TNS1: variants seen among roughly 807,000 people sequenced by gnomAD.
TNS1 encodes the protein tensin 1.
TNS1 carries 62 observed loss-of-function variants against 168.6 expected under a neutral mutation model. The observed-to-expected ratio is 0.37, with a 90% confidence interval of 0.30 to 0.45. The LOEUF (loss-of-function observed/expected upper bound fraction) is 0.45. Ranked by LOEUF, TNS1 falls within the 20% of genes least tolerant of loss-of-function variation. The pLI is 1.00. For missense variants in TNS1, 2,240 were observed against 2,339.4 expected (o/e 0.96, Z 0.88); for synonymous variants, 934 against 933.2 (o/e 1.00, Z -0.02).
intron 1 of TNS1, among the ~76,000 whole-genome samples, chr2:218,022,484 A>G (rs1958814208): frequency 6.6e-6 from 1 of 152,194 alleles, no homozygotes; most frequent in South Asian, 2.1e-4. Flanking sequence ...GGACACGCAC[A>G]CACGCACGTA....
chr2:217,828,095 CT>C (rs1472548899), intron 22 of TNS1, among the ~76,000 whole-genome samples: 1 of 152,248 alleles, frequency 6.6e-6, no homozygotes, highest in African/African-American at 2.4e-5. Flanking sequence ...CAGCTCCTGC[CT>C]TGCCAGGACC....
intron 2 of TNS1, among the ~76,000 whole-genome samples, chr2:217,984,005 G>A (rs1476389753): frequency 6.6e-6 from 1 of 152,080 alleles, no homozygotes; most frequent in Non-Finnish European, 1.5e-5. Context: ...ATTTAGGTGG[G>A]CCTCATCCAA....
At position 218,002,830 on chromosome 2, in the gene TNS1, C is replaced by T. The variant is rs1467063676; in HGVS notation, c.33+10G>A. 1 of 456,794 alleles carries T rather than the reference C, an allele frequency of 2.2e-6. No homozygotes were observed. Among genetic ancestry groups the T allele is most frequent in the Non-Finnish European group, 4.4e-6 (1 of 226,948 alleles). 28.3% of individuals were successfully genotyped at this position (456,794 alleles called of 1,614,324 possible). On this transcript the variant is annotated intron_variant, in intron 1 of 32. Transcript: ENST00000682258. ...AAGAGTAACGTCGCAGCTAAAGCAG[C>T]CAGACCTACCCAGAGCATGCAGGAC...
intron 3 of TNS1, among the ~76,000 whole-genome samples, chr2:217,975,849 G>A (rs770020045): frequency 2.0e-5 from 3 of 152,062 alleles, no homozygotes; most frequent in Non-Finnish European, 2.9e-5. Flanking sequence ...AGGCTCTCTC[G>A]AGTGGGCAAC....
Position 217,831,464 on chromosome 2 carries a change from G to A in TNS1, c.3364C>T (p.Pro1122Ser), listed in dbSNP as rs1205411606. 1 of 1,585,944 alleles carries A rather than the reference G, an allele frequency of 6.3e-7. No individual in the cohort carries two copies. Among genetic ancestry groups the A allele is most frequent in the Admixed American group, 1.8e-5 (1 of 56,576 alleles). ...CCTCTTCCCAACTCACCTCCTGTGG[G>A]GTGCAACAGGATGTCCGCTGGGTTG... The part of the protein sequence containing the change: ...PHNPADILLH[P>S]TGEPRSYVES... Residue 1122 changes from proline (P) to serine (S), a missense_variant, in exon 22 of 33, where the codon CCC becomes TCC. Transcript: ENST00000682258.
At chr2:218,023,887 C>T (rs1958830435) in intron 1 of TNS1, among the ~76,000 whole-genome samples, 1 of 151,448 alleles carries the variant, frequency 6.6e-6, no homozygotes, top group Non-Finnish European at 1.5e-5. Flanking sequence ...TGAAACAGCC[C>T]CCTCCCCCTA....
chr2:217,821,663 C>T lies in TNS1; in HGVS notation c.3572+77G>A, dbSNP rs1329785030. 7 of 1,346,348 alleles carry T rather than the reference C, an allele frequency of 5.2e-6. No homozygotes were observed. The African/African-American group carries it at 9.1e-5, about 18-fold the overall frequency. 83.4% of individuals were successfully genotyped at this position (1,346,348 alleles called of 1,614,324 possible). On this transcript the variant is annotated intron_variant, in intron 23 of 32. Transcript: ENST00000682258. The stretch of plus-strand genomic sequence containing the variant: ...CCTGTCCACGCCATAGGCAACAGAT[C>T]CAGGAGGCCTCACCCATCCCGTCCC...
At chr2:217,913,253 G>C (rs1162094312) in intron 4 of TNS1, among the ~76,000 whole-genome samples, 4 of 152,196 alleles carry the variant, frequency 2.6e-5, no homozygotes, top group African/African-American at 7.2e-5. Context: ...TGTGATTAAG[G>C]GGAGAGTTAT....
At chr2:217,920,690 C>T (rs1361067930) in intron 3 of TNS1, among the ~76,000 whole-genome samples, 4 of 151,928 alleles carry the variant, frequency 2.6e-5, no homozygotes, top group African/African-American at 9.7e-5. Flanking sequence ...TGGTTCTCCC[C>T]ATTGCTAAGG....
At chr2:217,870,844 C>T (rs1949711188) in intron 18 of TNS1, among the ~76,000 whole-genome samples, 1 of 152,226 alleles carries the variant, frequency 6.6e-6, no homozygotes, top group South Asian at 2.1e-4. Context: ...GAGACAAACC[C>T]AGCGCTGCTC....
intron 30 of TNS1, among the ~76,000 whole-genome samples, 198 bp from the exon 31 acceptor site, chr2:217,808,869 A>C (rs559652469): frequency 1.3e-5 from 2 of 152,304 alleles, no homozygotes; most frequent in South Asian, 4.1e-4. Context: ...GTGCCATAGA[A>C]TCATCCCAAA....
rs1468313247 is a variant in TNS1, at chr2:217,836,136, T to C, written c.3083A>G (p.Tyr1028Cys). The C allele has an allele frequency of 1.2e-6, 2 of 1,613,938 alleles. No individual in the cohort carries two copies. The highest frequency in any genetic ancestry group is 1.7e-6 in the Non-Finnish European group (2 of 1,179,982). The stretch of plus-strand genomic sequence containing the variant: ...TGTGGCTTCTGGAGACTGGTTCTCA[T>C]ACTGTCCATCACTGGCCGCCCGCCT... ...LRRRAASDGQ[Y>C]ENQSPEATSP... Residue 1028 changes from tyrosine to cysteine, a missense_variant, in exon 20 of 33, where the codon TAT (tyrosine) becomes TGT (cysteine). By Grantham distance (194) the Tyr-to-Cys change is radical. Around this residue, in one of 2 missense-constraint regions of TNS1, gnomAD observed 2,131 missense variants for 2,171.2 expected, o/e 0.98. Transcript: ENST00000682258.
chr2:217,880,930 T>C lies in TNS1; in HGVS notation c.1397A>G (p.Asn466Ser). The change falls in exon 18 of 33, where the codon AAC (asparagine) becomes AGC (serine). Residue 466 changes from asparagine (N) to serine (S), a missense_variant. Asn to Ser is a conservative substitution (Grantham distance 46, BLOSUM62 1). This residue lies in a region of TNS1 where 2,131 missense variants were observed against 2,171.2 expected (regional missense o/e 0.98). Coordinates refer to ENST00000682258, the MANE Select transcript of TNS1 (RefSeq NM_001387777.1). The surrounding 1 kb of genome is among the most constrained non-coding windows in gnomAD (Gnocchi z 4.2). ...DPLIRWDSYD[N>S]FSGHRDDGME... ...GCCGTCATCTCGATGCCCACTGAAG[T>C]TGTCGTAGGAGTCCCAGCGGATGAG... is the stretch of plus-strand genomic sequence containing the variant. 1 of 1,614,046 alleles carries C rather than the reference T, an allele frequency of 6.2e-7. No individual in the cohort carries two copies. Among genetic ancestry groups the C allele is most frequent in the Non-Finnish European group, 8.5e-7 (1 of 1,180,000 alleles).
At chr2:217,842,592 C>G (rs1022195808) in intron 19 of TNS1, among the ~76,000 whole-genome samples, 2 of 152,232 alleles carry the variant, frequency 1.3e-5, no homozygotes, top group African/African-American at 4.8e-5. Flanking sequence ...ACTGCTCTCC[C>G]TCCTTCCATC....
intron 25 of TNS1, chr2:217,814,163 C>A: frequency 5.7e-6 from 1 of 175,932 alleles, no homozygotes; most frequent in Non-Finnish European, 1.2e-5. Context: ...TCAGTGTGTG[C>A]CATTTTGCCT....
intron 3 of TNS1, among the ~76,000 whole-genome samples, chr2:217,966,801 C>T (rs1041322861): frequency 4.6e-5 from 7 of 152,258 alleles, no homozygotes; most frequent in African/African-American, 1.2e-4. Context: ...GTGTGGAACA[C>T]GAAAGGTCCC....
In TNS1 at chr2:217,848,897, G is replaced by A. The variant is rs774400063; in HGVS notation, c.1620C>T (p.Thr540=). ...DSGNSTASTK[T]DKTDEPVPGA... is the part of the protein sequence containing the mutation. ...CGGGGACAGGCTCGTCGGTCTTGTCGGTCTTGGTGGAGGCTGTGGAGTTGC... is the reference window on the plus strand; with the variant it reads ...CGGGGACAGGCTCGTCGGTCTTGTCAGTCTTGGTGGAGGCTGTGGAGTTGC... The change falls in exon 19 of 33, where the codon ACC becomes ACT. Residue 540 remains threonine (T), a synonymous_variant. Coordinates refer to ENST00000682258, the MANE Select transcript of TNS1 (RefSeq NM_001387777.1). 2.0e-5 allele frequency: 32 copies of A among 1,614,026 alleles called. No homozygotes were observed. The highest frequency in any genetic ancestry group is 8.0e-5 in the African/African-American group (6 of 74,924).
In TNS1 at chr2:217,813,225, C is replaced by T. The variant is rs1170098577; in HGVS notation, c.4944G>A (p.Glu1648=). Residue 1648 remains glutamate, a synonymous_variant, in exon 27 of 33, where the codon GAG becomes GAA. Coordinates refer to ENST00000682258, the MANE Select transcript of TNS1 (RefSeq NM_001387777.1). This position sits in a 1 kb window ranked among gnomAD's most constrained non-coding sequence, Gnocchi z 4.0. ...AGGGGGACAGCTCACCGAAGTTTGG[C>T]TCATTGGGGCAGCCCTTGAGCTTGA... ...RGVKLKGCPN[E]PNFGSLSALV... is the part of the protein sequence containing the mutation. 2 of 1,602,664 alleles carry T rather than the reference C, an allele frequency of 1.2e-6. No individual in the cohort carries two copies. The highest frequency in any genetic ancestry group is 2.7e-5 in the African/African-American group (2 of 74,684).
intron 1 of TNS1, among the ~76,000 whole-genome samples, chr2:218,017,004 C>A (rs1958768087): frequency 6.6e-6 from 1 of 152,164 alleles, no homozygotes; most frequent in Non-Finnish European, 1.5e-5. Flanking sequence ...AACTGAGGCA[C>A]AAAACAAGGT....
Sources: gnomAD v4.1 joint callset for allele counts (sites outside exome capture counted in the v4.1 genomes callset) on GRCh38, gnomAD v4.1.1 for gene constraint, gnomAD v4.1.1 regional missense constraint, Gnocchi (gnomAD v3.1) non-coding constraint, MANE v1.5 for transcripts, NCBI Gene and HGNC (gene_info 2026-07-23, HGNC 2026-07-21) for gene names.